Variants in RBM46 observed in about 807,000 individuals in gnomAD.
RBM46 encodes RNA binding motif protein 46.
A neutral mutation model predicts 43.3 loss-of-function variants in RBM46; 12 were observed. The observed-to-expected ratio is 0.28, with a 90% CI of 0.18 to 0.45. The LOEUF is 0.45. RBM46 is among the 20% of genes least tolerant of loss of function. The probability of loss-of-function intolerance (pLI) is 1.00; values close to 1 mark genes in which losing one functional copy is unlikely to be tolerated. For synonymous variants in RBM46, 205 were observed against 207.6 expected (o/e 0.99, Z 0.11); for missense variants, 412 against 639.1 (o/e 0.64, Z 3.83).
Position 154,799,192 on chromosome 4 carries a change from C to G in RBM46, c.1030C>G (p.Leu344Val). The G allele has an allele frequency of 6.2e-7, 1 of 1,614,174 alleles. No individual in the cohort carries two copies. The highest frequency in any genetic ancestry group is 8.5e-7 in the Non-Finnish European group (1 of 1,180,034). The change falls in exon 4 of 5, where the codon CTA becomes GTA. Residue 344 changes from leucine to valine, a missense_variant. Around this residue, in one of 8 missense-constraint regions of RBM46, gnomAD observed 105 missense variants for 111.0 expected, o/e 0.95. Transcript: ENST00000281722. Reference sequence around the variant, plus strand: ...CAAAGAAGAGAGCCACCCAAAAACTCTAGGCAAGCTGCCAACTCTTCCTGC... The same window carrying G: ...CAAAGAAGAGAGCCACCCAAAAACTGTAGGCAAGCTGCCAACTCTTCCTGC... Reference protein sequence around the residue: ...ANKEESHPKTLGKLPTLPARL... With the variant: ...ANKEESHPKTVGKLPTLPARL...
intron 1 of RBM46, among the ~76,000 whole-genome samples, chr4:154,791,327 T>G (rs1353389969): frequency 6.6e-6 from 1 of 152,172 alleles, no homozygotes; most frequent in Non-Finnish European, 1.5e-5. Context: ...AACAATGTTT[T>G]AAGGGATGCC....
At chr4:154,796,063 G>A (rs927518733) in intron 1 of RBM46, among the ~76,000 whole-genome samples, 14 of 152,142 alleles carry the variant, frequency 9.2e-5, no homozygotes, top group Admixed American at 7.2e-4. Flanking sequence ...AGCTACTTGG[G>A]GGACTGAGGT....
chr4:154,803,049 GA>G (rs780783279), intron 4 of RBM46, among the ~76,000 whole-genome samples: 10 of 151,898 alleles, frequency 6.6e-5, no homozygotes, highest in African/African-American at 2.2e-4. Flanking sequence ...TTGCTGTTAT[GA>G]AAAAAAATGT....
In RBM46 at chr4:154,799,274, C is replaced by G. The variant is rs1412020242; in HGVS notation, c.1112C>G (p.Pro371Arg). 2.5e-6 allele frequency: 4 copies of G among 1,614,188 alleles called. No homozygotes were observed. Among genetic ancestry groups the G allele is most frequent in the South Asian group, 2.2e-5 (2 of 91,080 alleles). The change falls in exon 4 of 5, where the codon CCT (proline) becomes CGT (arginine). Residue 371 changes from proline to arginine, a missense_variant. By Grantham distance (103) the Pro-to-Arg change is moderately radical (BLOSUM62 -2). Coordinates refer to ENST00000281722, the MANE Select transcript of RBM46 (RefSeq NM_144979.5). ...SPPEVERCTYPFYPGTKLTPI... is the reference protein window; with the variant it reads ...SPPEVERCTYRFYPGTKLTPI... ...CCTGAAGTTGAAAGATGCACTTACCCTTTTTATCCTGGAACAAAGCTTACT... is the reference window on the plus strand; with the variant it reads ...CCTGAAGTTGAAAGATGCACTTACCGTTTTTATCCTGGAACAAAGCTTACT...
chr4:154,827,417 A>G (rs1471021653), intron 4 of RBM46: 2 of 988,336 alleles, frequency 2.0e-6, no homozygotes, highest in Non-Finnish European at 2.4e-6. Flanking sequence ...ATGTTTTTGC[A>G]GTCCAGGGGT....
intron 1 of RBM46, among the ~76,000 whole-genome samples, chr4:154,794,963 T>C (rs906286123): frequency 6.6e-6 from 1 of 152,200 alleles, no homozygotes; most frequent in Non-Finnish European, 1.5e-5. Context: ...TCTGGCCTTT[T>C]ATTTACTAAT....
chr4:154,808,888 C>T (rs1237953536), intron 4 of RBM46, among the ~76,000 whole-genome samples: 1 of 151,842 alleles, frequency 6.6e-6, no homozygotes, highest in African/African-American at 2.4e-5. Context: ...AGTGATTATA[C>T]CAGAACATTG....
chr4:154,819,328 C>T (rs572115133), intron 4 of RBM46, among the ~76,000 whole-genome samples: 44 of 152,232 alleles, frequency 2.9e-4, no homozygotes, highest in African/African-American at 1.1e-3. Context: ...TTGTTAGTAG[C>T]TCTTTAGTTC....
intron 4 of RBM46, chr4:154,820,385 C>T (rs1285843604): frequency 6.6e-7 from 1 of 1,526,316 alleles, no homozygotes; most frequent in Middle Eastern, 1.7e-4. Context: ...ATCTCTTCAG[C>T]CTGGACCTGT....
intron 1 of RBM46, chr4:154,786,971 A>C (rs948019245): frequency 2.6e-5 from 4 of 152,182 alleles, no homozygotes; most frequent in African/African-American, 9.7e-5. Flanking sequence ...AATTATAAGA[A>C]CCTAAAAGCA....
Position 154,828,551 on chromosome 4 carries a change from A to G in RBM46, c.*484A>G, listed in dbSNP as rs1736071808. On this transcript the variant is annotated 3_prime_UTR_variant, in exon 5 of 5. Transcript: ENST00000281722. ...AAAGAAATGATGAGACAAAAAGATT[A>G]AGATACAAATTTTGTGCAGTACTAA... The G allele has an allele frequency of 6.5e-6, 1 of 153,670 alleles. No homozygotes were observed. The highest frequency in any genetic ancestry group is 2.4e-5 in the African/African-American group (1 of 41,460). The allele number at this position is 153,670 out of a possible 1,614,324, so 9.5% of individuals were successfully genotyped here.
At chr4:154,796,974 C>A in intron 2 of RBM46, 71 bp downstream of exon 2, 5 of 1,291,174 alleles carry the variant, frequency 3.9e-6, no homozygotes, top group Non-Finnish European at 5.4e-6. Flanking sequence ...TGTATCCCCA[C>A]AAGTATTCCA....
intron 4 of RBM46, among the ~76,000 whole-genome samples, chr4:154,817,696 T>C (rs939882949): frequency 5.3e-5 from 8 of 152,196 alleles, no homozygotes; most frequent in African/African-American, 1.9e-4. Context: ...ATTTTTTATG[T>C]TTTGATTTCT....
chr4:154,827,336 G>A, intron 4 of RBM46: 1 of 967,284 alleles, frequency 1.0e-6, no homozygotes, highest in Non-Finnish European at 1.2e-6. Context: ...TGTTAAATCA[G>A]TATGTTGAGT....
chr4:154,828,300 C>T lies in RBM46; in HGVS notation c.*233C>T, dbSNP rs999964802. ...TTTCTCTTGATAAAGGTACAGCAAA[C>T]TACTATTCTTTTTAAACTTCTAGGA... On this transcript the variant is annotated 3_prime_UTR_variant, in exon 5 of 5. Coordinates refer to ENST00000281722, the MANE Select transcript of RBM46 (RefSeq NM_144979.5). 2 of 443,350 alleles carry T rather than the reference C, an allele frequency of 4.5e-6. No homozygotes were observed. Among genetic ancestry groups the T allele is most frequent in the African/African-American group, 2.0e-5 (1 of 49,198 alleles). The allele number at this position is 443,350 out of a possible 1,614,324, so 27.5% of individuals were successfully genotyped here.
rs1415903767 is a variant in RBM46 at position 154,828,101 on chromosome 4, A to T, written c.*34A>T. ...CTAACATTAGTATGAAAATTTGTGT[A>T]AATTTGTAGTATGAAAACTTGCAAA... On this transcript the variant is annotated 3_prime_UTR_variant, in exon 5 of 5. Coordinates refer to ENST00000281722, the MANE Select transcript of RBM46 (RefSeq NM_144979.5). The T allele has an allele frequency of 7.0e-7, 1 of 1,435,418 alleles. No individual in the cohort carries two copies. Among genetic ancestry groups the T allele is most frequent in the East Asian group, 2.3e-5 (1 of 44,010 alleles). The allele number at this position is 1,435,418 out of a possible 1,614,324, so 88.9% of individuals were successfully genotyped here. A position where few individuals can be genotyped will look rare whatever the true frequency, so the allele number is the denominator to read the frequency against.
intron 4 of RBM46, among the ~76,000 whole-genome samples, chr4:154,815,884 A>G (rs1208332345): frequency 1.3e-5 from 2 of 152,028 alleles, no homozygotes. Flanking sequence ...ATCTTTTAGA[A>G]ACTTCATATC....
At chr4:154,803,702 C>CAAAAAAAAAAA (rs35506499) in intron 4 of RBM46, among the ~76,000 whole-genome samples, 2 of 41,324 alleles carry the variant, frequency 4.8e-5, no homozygotes, top group Non-Finnish European at 8.6e-5. Context: ...GACTACGTCT[C>CAAAAAAAAAAA]AAAAAAAAAA....
intron 4 of RBM46, among the ~76,000 whole-genome samples, chr4:154,821,939 T>C (rs1735739860): frequency 6.6e-6 from 1 of 151,778 alleles, no homozygotes; most frequent in African/African-American, 2.4e-5. Flanking sequence ...TATAAGCCTA[T>C]CTGTTCTAAA....
Sources: gnomAD v4.1 joint callset for allele counts (sites outside exome capture counted in the v4.1 genomes callset) on GRCh38, gnomAD v4.1.1 for gene constraint, gnomAD v4.1.1 regional missense constraint, MANE v1.5 for transcripts, NCBI Gene and HGNC (gene_info 2026-07-23, HGNC 2026-07-21) for gene names.